PRIM2: variants seen among roughly 807,000 people sequenced by gnomAD.
PRIM2 encodes the protein DNA primase large subunit.
PRIM2 carries 39 observed loss-of-function variants against 67.3 expected under a neutral mutation model. That is an observed-to-expected ratio of 0.58 (90% confidence interval 0.45 to 0.76). The LOEUF (loss-of-function observed/expected upper bound fraction) is 0.76. PRIM2 is among the 30% of genes least tolerant of loss of function. The pLI, the probability that PRIM2 is intolerant of heterozygous loss-of-function variation, is 0.00. For synonymous variants in PRIM2, 143 were observed against 198.7 expected (o/e 0.72, Z 2.36); for missense variants, 398 against 598.7 (o/e 0.66, Z 3.50).
At chr6:57,549,346 C>T (rs1218289892) in intron 10 of PRIM2, among the ~76,000 whole-genome samples, 5 of 152,200 alleles carry the variant, frequency 3.3e-5, no homozygotes, top group Non-Finnish European at 4.4e-5. Flanking sequence ...GCAAAGGTGG[C>T]ACATGATCAA....
intron 7 of PRIM2, among the ~76,000 whole-genome samples, chr6:57,466,531 G>A (rs1160421517): frequency 1.3e-5 from 2 of 152,186 alleles, no homozygotes; most frequent in Admixed American, 1.3e-4. Context: ...GTGTGAGATG[G>A]TATCCCATTG....
intron 7 of PRIM2, among the ~76,000 whole-genome samples, chr6:57,446,689 A>T (rs1386241428): frequency 6.6e-6 from 1 of 152,002 alleles, no homozygotes; most frequent in Non-Finnish European, 1.5e-5. Context: ...GGAGCCCTTA[A>T]ACTTTAAATT....
chr6:57,592,365 A>T (rs1776295332), intron 10 of PRIM2, among the ~76,000 whole-genome samples: 1 of 152,216 alleles, frequency 6.6e-6, no homozygotes, highest in African/African-American at 2.4e-5. Context: ...GCACATATAC[A>T]TGGCTCTTTT....
chr6:57,629,531 C>A (rs1777008203), intron 12 of PRIM2, among the ~76,000 whole-genome samples: 1 of 152,078 alleles, frequency 6.6e-6, no homozygotes, highest in Non-Finnish European at 1.5e-5. Context: ...TATTTTCATG[C>A]AGAACATCTG....
the PRIM2 span, among the ~76,000 whole-genome samples, chr6:57,229,495 T>TA: frequency 0.66 from 99,688 of 150,968 alleles, 34,282 homozygotes; most frequent in East Asian, 0.93. Flanking sequence ...TTTATTTATT[T>TA]TTTTTTTTTT....
At position 57,548,925 on chromosome 6, in the gene PRIM2, TA is replaced by T. The variant is rs1243718392; in HGVS notation, c.1020+11312del. ...ATAAGTGTGCTAAGGCATTAACTAA[TA>T]AAAAAAAAAAAGATTGCTAAGCTAC... is the stretch of plus-strand genomic sequence containing the variant. On this transcript the variant is annotated intron_variant, in intron 10 of 13. Transcript: ENST00000615550. 1.9e-3 allele frequency among the ~76,000 whole-genome samples: 266 copies of T among 141,890 alleles called. 2 individuals are homozygous for T. The South Asian group carries it at 0.024, about 13-fold the overall frequency. The allele number at this position is 141,890 out of a possible 152,430, so 93.1% of individuals were successfully genotyped here.
chr6:57,311,798 G>A (rs1353777923), upstream of PRIM2, among the ~76,000 whole-genome samples: 2 of 152,048 alleles, frequency 1.3e-5, no homozygotes, highest in South Asian at 2.1e-4. Flanking sequence ...AGGCGGAGGC[G>A]GGCAGATCAT....
chr6:57,422,221 C>T (rs1318716393), intron 7 of PRIM2, among the ~76,000 whole-genome samples: 3 of 122,670 alleles, frequency 2.4e-5, no homozygotes, highest in Non-Finnish European at 4.8e-5. Context: ...ATGGTGTGAT[C>T]TCGGCTCACT....
Position 57,540,645 on chromosome 6 carries a change from A to C in PRIM2, c.1020+3020A>C, listed in dbSNP as rs1775128534. On this transcript the variant is annotated intron_variant, in intron 10 of 13. Coordinates refer to ENST00000615550, the MANE Select transcript of PRIM2 (RefSeq NM_000947.5). ...ATATATACTAGTCTTATTTACTAAC[A>C]TGAGATATACAGAAATCTATTGCAA... Among the ~76,000 whole-genome samples the C allele has an allele frequency of 3.3e-5, 5 of 152,350 alleles. No individual in the cohort carries two copies. In the South Asian group the frequency reaches 1.0e-3, roughly 32 times the overall value.
intron 8 of PRIM2, among the ~76,000 whole-genome samples, chr6:57,515,415 G>A (rs1554348124): frequency 6.6e-6 from 1 of 152,208 alleles, no homozygotes; most frequent in Non-Finnish European, 1.5e-5. Context: ...ACAAAGAACA[G>A]CAGCAGCCTA....
intron 10 of PRIM2, among the ~76,000 whole-genome samples, chr6:57,545,151 C>T (rs1417896851): frequency 2.0e-5 from 3 of 151,820 alleles, no homozygotes; most frequent in Admixed American, 6.6e-5. Flanking sequence ...AATTTGTTGT[C>T]GTCCATGTAT....
intron 5 of PRIM2, among the ~76,000 whole-genome samples, chr6:57,330,432 G>T (rs1448648944): frequency 7.1e-6 from 1 of 141,012 alleles, no homozygotes; most frequent in Non-Finnish European, 1.5e-5. Context: ...AGGCTGGAGT[G>T]CAAGCTCCAC....
intron 7 of PRIM2, among the ~76,000 whole-genome samples, chr6:57,455,469 C>T (rs1269665384): frequency 6.6e-6 from 1 of 152,118 alleles, no homozygotes; most frequent in Admixed American, 6.5e-5. Flanking sequence ...TCTGGGTGCT[C>T]CTGTATTGGG....
At chr6:57,550,651 C>T (rs1344596595) in intron 10 of PRIM2, among the ~76,000 whole-genome samples, 1 of 151,736 alleles carries the variant, frequency 6.6e-6, no homozygotes, top group Non-Finnish European at 1.5e-5. Flanking sequence ...GCCAGTGATA[C>T]CTTATGGATT....
intron 10 of PRIM2, among the ~76,000 whole-genome samples, chr6:57,587,998 T>C (rs1266577184): frequency 6.6e-6 from 1 of 152,186 alleles, no homozygotes; most frequent in Admixed American, 6.5e-5. Context: ...TGTTTCTACC[T>C]TATATGGGTT....
chr6:57,280,818 T>C, the PRIM2 span, among the ~76,000 whole-genome samples: 2 of 152,180 alleles, frequency 1.3e-5, no homozygotes, highest in African/African-American at 4.8e-5. Context: ...GTACTATCTT[T>C]TTTTTTAAAA....
chr6:57,520,101 A>G (rs1774580891), intron 8 of PRIM2, among the ~76,000 whole-genome samples: 1 of 152,170 alleles, frequency 6.6e-6, no homozygotes, highest in African/African-American at 2.4e-5. Flanking sequence ...CGTATAAGGA[A>G]AGGATGTAAT....
intron 7 of PRIM2, among the ~76,000 whole-genome samples, chr6:57,497,190 GA>G (rs1774024377): frequency 6.6e-6 from 1 of 152,148 alleles, no homozygotes; most frequent in African/African-American, 2.4e-5. Context: ...AAAAGAAGTT[GA>G]TGGTTAGGGC....
At chr6:57,296,493 T>C in the PRIM2 span, among the ~76,000 whole-genome samples, 1 of 152,102 alleles carries the variant, frequency 6.6e-6, no homozygotes. Flanking sequence ...TTGTGATATA[T>C]AAGCTATTAA....
Sources: gnomAD v4.1 joint callset for allele counts (sites outside exome capture counted in the v4.1 genomes callset) on GRCh38, gnomAD v4.1.1 for gene constraint, MANE v1.5 for transcripts, NCBI Gene and HGNC (gene_info 2026-07-23, HGNC 2026-07-21) for gene names.